BMPR1B: variants seen among roughly 807,000 people sequenced by gnomAD.
BMPR1B encodes the protein bone morphogenetic protein receptor type-1B.
In BMPR1B, 12 loss-of-function variants were observed where a neutral mutation model predicts 59.1. The observed-to-expected ratio is 0.20, with a 90% CI of 0.13 to 0.33. BMPR1B has a LOEUF of 0.33. BMPR1B is among the 10% of genes least tolerant of loss of function. The pLI, the probability that BMPR1B is intolerant of heterozygous loss-of-function variation, is 1.00. For missense variants in BMPR1B, 550 were observed against 610.9 expected (o/e 0.90, Z 1.05); for synonymous variants, 237 against 207.3 (o/e 1.14, Z -1.23).
At chr4:94,893,234 C>T (rs896148350) in intron 2 of BMPR1B, among the ~76,000 whole-genome samples, 5 of 151,860 alleles carry the variant, frequency 3.3e-5, no homozygotes, top group Non-Finnish European at 7.4e-5. Context: ...AATATTTTCT[C>T]CTTCTGGAAG....
At position 95,155,051 on chromosome 4, in the gene BMPR1B, TAAC is replaced by T. The variant is rs1363024144; in HGVS notation, c.*384_*386del. On this transcript the variant is annotated 3_prime_UTR_variant, in exon 13 of 13. Coordinates refer to ENST00000515059, the MANE Select transcript of BMPR1B (RefSeq NM_001203.3). ...GGTTATAGTATTATAGTTTAAATAA[TAAC>T]AACAAAATTCTTCCCAGGAACTCTG... 3.7e-5 allele frequency: 7 copies of T among 186,670 alleles called. No homozygotes were observed. Among genetic ancestry groups the T allele is most frequent in the Non-Finnish European group, 6.8e-5 (6 of 88,562 alleles). The allele number at this position is 186,670 out of a possible 1,614,324, so 11.6% of individuals were successfully genotyped here.
At chr4:95,054,294 C>T (rs1161793932) in intron 3 of BMPR1B, among the ~76,000 whole-genome samples, 1 of 152,092 alleles carries the variant, frequency 6.6e-6, no homozygotes, top group Non-Finnish European at 1.5e-5. Flanking sequence ...CAAGGGTGGC[C>T]TATGTATATG....
intron 2 of BMPR1B, among the ~76,000 whole-genome samples, chr4:94,943,254 C>T (rs1007799525): frequency 1.3e-5 from 2 of 152,136 alleles, no homozygotes; most frequent in South Asian, 4.1e-4. Context: ...CTTCTCCTGC[C>T]TCAGCCTCCT....
chr4:94,967,558 C>T (rs1389117060), intron 2 of BMPR1B, among the ~76,000 whole-genome samples: 1 of 151,954 alleles, frequency 6.6e-6, no homozygotes, highest in Non-Finnish European at 1.5e-5. Flanking sequence ...TCTTGGCTTA[C>T]TGCAGCCTCT....
chr4:94,841,682 C>T (rs758397815), intron 1 of BMPR1B, among the ~76,000 whole-genome samples: 9 of 152,220 alleles, frequency 5.9e-5, no homozygotes, highest in South Asian at 4.1e-4. Context: ...GAGATGAACC[C>T]GGTACCTCAG....
At chr4:95,120,861 T>C (rs1184162727) in intron 6 of BMPR1B, among the ~76,000 whole-genome samples, 1 of 149,698 alleles carries the variant, frequency 6.7e-6, no homozygotes, top group Non-Finnish European at 1.5e-5. Context: ...CAGGCTGGAG[T>C]GCAGTGACAC....
At chr4:95,090,005 T>C (rs1004263080) in intron 3 of BMPR1B, among the ~76,000 whole-genome samples, 1 of 152,072 alleles carries the variant, frequency 6.6e-6, no homozygotes, top group Admixed American at 6.6e-5. Context: ...CTTCTTTCAT[T>C]CGGCCTCAGG....
At chr4:94,878,861 C>A (rs1422709624) in intron 2 of BMPR1B, among the ~76,000 whole-genome samples, 5 of 151,352 alleles carry the variant, frequency 3.3e-5, no homozygotes, top group Admixed American at 3.3e-4. Flanking sequence ...ATTTGTGTGA[C>A]CTCCTTATGT....
At chr4:94,925,475 C>T (rs1175650592) in intron 2 of BMPR1B, among the ~76,000 whole-genome samples, 5 of 152,068 alleles carry the variant, frequency 3.3e-5, no homozygotes, top group Non-Finnish European at 7.4e-5. Context: ...GTTTCTTAAT[C>T]ACATACTGGC....
chr4:94,804,230 C>G (rs1723519493), intron 1 of BMPR1B, among the ~76,000 whole-genome samples: 1 of 152,162 alleles, frequency 6.6e-6, no homozygotes, highest in Admixed American at 6.5e-5. Context: ...TGACAGATAA[C>G]ATTGACCCAG....
chr4:94,776,118 A>C (rs1038072856), intron 1 of BMPR1B, among the ~76,000 whole-genome samples: 7 of 150,140 alleles, frequency 4.7e-5, no homozygotes, highest in African/African-American at 1.7e-4. Context: ...AAAAGAAATT[A>C]ATAGCCTTTT....
At chr4:95,131,112 G>A (rs1560677971) in intron 9 of BMPR1B, 103 bp from the exon 10 acceptor site, 1 of 1,264,578 alleles carries the variant, frequency 7.9e-7, no homozygotes, top group Non-Finnish European at 1.1e-6. Flanking sequence ...TGAATGAAAT[G>A]CTAAACAAAA....
intron 2 of BMPR1B, among the ~76,000 whole-genome samples, chr4:94,925,669 A>G (rs538467520): frequency 6.6e-6 from 1 of 152,172 alleles, no homozygotes. Context: ...AAAGAAAAGC[A>G]CTGAAGAGCT....
chr4:94,768,537 C>T (rs1722058467), intron 1 of BMPR1B, among the ~76,000 whole-genome samples: 1 of 152,000 alleles, frequency 6.6e-6, no homozygotes, highest in African/African-American at 2.4e-5. Flanking sequence ...CACTTTTGCA[C>T]TTAATCAAAA....
chr4:94,966,012 T>TA (rs1192645357), intron 2 of BMPR1B, among the ~76,000 whole-genome samples: 38 of 152,148 alleles, frequency 2.5e-4, no homozygotes, highest in Non-Finnish European at 4.6e-4. Flanking sequence ...CATACAGTTG[T>TA]AAAAAAAAGA....
At chr4:94,849,479 A>C (rs1200635699) in intron 1 of BMPR1B, among the ~76,000 whole-genome samples, 1 of 152,092 alleles carries the variant, frequency 6.6e-6, no homozygotes, top group Non-Finnish European at 1.5e-5. Flanking sequence ...AATGAGTGGC[A>C]GCTGGAATAG....
intron 2 of BMPR1B, among the ~76,000 whole-genome samples, chr4:94,926,518 C>T (rs942320341): frequency 6.6e-6 from 1 of 152,088 alleles, no homozygotes; most frequent in Non-Finnish European, 1.5e-5. Flanking sequence ...ATGCATCTGT[C>T]ATTTTGAATG....
chr4:95,119,868 C>G (rs577743792), intron 6 of BMPR1B, among the ~76,000 whole-genome samples: 1 of 152,064 alleles, frequency 6.6e-6, no homozygotes, highest in South Asian at 2.1e-4. Context: ...ATAGATAATC[C>G]AAAGATTTTC....
chr4:94,862,025 C>A (rs930893124), intron 1 of BMPR1B, among the ~76,000 whole-genome samples: 7 of 151,218 alleles, frequency 4.6e-5, no homozygotes, highest in Non-Finnish European at 8.9e-5. Flanking sequence ...ATAGTAGCAG[C>A]TAACAGTACA....
Sources: allele counts gnomAD v4.1 joint callset (sites outside exome capture counted in the v4.1 genomes callset), GRCh38; gene constraint gnomAD v4.1.1; transcripts MANE v1.5; gene names NCBI Gene and HGNC (gene_info 2026-07-23, HGNC 2026-07-21).